Variants in CEP128 observed in about 807,000 individuals in gnomAD.
The protein encoded by CEP128 is centrosomal protein 128kDa.
A neutral mutation model predicts 156.7 loss-of-function variants in CEP128; 132 were observed. That is an observed-to-expected ratio of 0.84 (90% CI 0.73 to 0.97). CEP128 has a LOEUF of 0.97. Among genes scored for constraint, CEP128 ranks in the 50% least tolerant of loss-of-function variants. The pLI is 0.00. For missense variants in CEP128, 1,252 were observed against 1,281.9 expected, an observed-to-expected ratio of 0.98 and a Z score of 0.36; for synonymous variants, 469 against 448.9, an observed-to-expected ratio of 1.04 and a Z score of -0.57.
chr14:80,645,749 C>T (rs1156625024), intron 19 of CEP128, among the ~76,000 whole-genome samples: 1 of 152,116 alleles, frequency 6.6e-6, no homozygotes, highest in East Asian at 1.9e-4. Context: ...ACATTTATGT[C>T]TACACAAAAA....
intron 2 of CEP128, among the ~76,000 whole-genome samples, chr14:80,949,334 T>G (rs1018544892): frequency 2.0e-5 from 3 of 152,120 alleles, no homozygotes; most frequent in African/African-American, 7.2e-5. Flanking sequence ...TGCAGGTAGG[T>G]GGAGTTTGCA....
At chr14:80,688,680 C>A (rs1595221177) in intron 19 of CEP128, among the ~76,000 whole-genome samples, 1 of 152,192 alleles carries the variant, frequency 6.6e-6, no homozygotes, top group African/African-American at 2.4e-5. Flanking sequence ...TGTTTCAAAA[C>A]ATGGGTCAAA....
At chr14:80,629,121 A>G (rs1893856761) in intron 19 of CEP128, among the ~76,000 whole-genome samples, 1 of 148,294 alleles carries the variant, frequency 6.7e-6, no homozygotes, top group South Asian at 2.1e-4. Context: ...AATAGTTTCT[A>G]CAATTCACTA....
intron 19 of CEP128, among the ~76,000 whole-genome samples, chr14:80,734,019 C>T (rs979161713): frequency 3.3e-5 from 5 of 152,116 alleles, no homozygotes; most frequent in Admixed American, 6.6e-5. Context: ...CCCACTTCAA[C>T]GCTTCATAAA....
chr14:80,703,964 A>T (rs1897155621), intron 19 of CEP128, among the ~76,000 whole-genome samples: 1 of 152,146 alleles, frequency 6.6e-6, no homozygotes, highest in African/African-American at 2.4e-5. Flanking sequence ...AATAAAAGAG[A>T]AGCAAAGAAA....
At chr14:80,500,769 ACACC>A (rs1887695590) in intron 24 of CEP128, among the ~76,000 whole-genome samples, 1 of 152,088 alleles carries the variant, frequency 6.6e-6, no homozygotes, top group African/African-American at 2.4e-5. Context: ...GACATTATCC[ACACC>A]CACCCCCTTC....
intron 8 of CEP128, among the ~76,000 whole-genome samples, chr14:80,879,793 T>C (rs1301780135): frequency 6.6e-6 from 1 of 151,800 alleles, no homozygotes; most frequent in Non-Finnish European, 1.5e-5. Context: ...CCCCCAAGTC[T>C]TGGAAAAGAT....
intron 11 of CEP128, among the ~76,000 whole-genome samples, chr14:80,836,994 A>C (rs1886110147): frequency 6.6e-6 from 1 of 152,230 alleles, no homozygotes; most frequent in South Asian, 2.1e-4. Flanking sequence ...TAGAGTTCCA[A>C]ACAAATCAGA....
intron 8 of CEP128, among the ~76,000 whole-genome samples, chr14:80,877,625 G>A (rs1459309608): frequency 6.6e-6 from 1 of 152,106 alleles, no homozygotes; most frequent in African/African-American, 2.4e-5. Context: ...ATTCTATAGG[G>A]CACAAAAAGC....
intron 19 of CEP128, among the ~76,000 whole-genome samples, chr14:80,621,953 T>G (rs1318666507): frequency 6.6e-6 from 1 of 152,020 alleles, no homozygotes; most frequent in African/African-American, 2.4e-5. Context: ...TGGCTTTTGG[T>G]TTGTTTATGA....
chr14:80,579,668 T>C (rs1288056761), intron 20 of CEP128, among the ~76,000 whole-genome samples: 1 of 152,218 alleles, frequency 6.6e-6, no homozygotes, highest in Non-Finnish European at 1.5e-5. Context: ...ATGTCCAAAG[T>C]ATTTACTGTT....
intron 24 of CEP128, among the ~76,000 whole-genome samples, chr14:80,502,850 G>C (rs1269501440): frequency 6.6e-6 from 1 of 152,042 alleles, no homozygotes; most frequent in Non-Finnish European, 1.5e-5. Context: ...TTCTGTAACT[G>C]AGCTGAAATT....
intron 8 of CEP128, among the ~76,000 whole-genome samples, chr14:80,889,125 A>T (rs1272964478): frequency 1.3e-5 from 2 of 152,216 alleles, no homozygotes; most frequent in Non-Finnish European, 2.9e-5. Flanking sequence ...CAAGGAAATA[A>T]GAGAGGACAC....
chr14:80,666,879 AAGCACTAAT>A (rs1415312424), intron 19 of CEP128, among the ~76,000 whole-genome samples: 1 of 152,196 alleles, frequency 6.6e-6, no homozygotes, highest in African/African-American at 2.4e-5. Context: ...AGAAAAAAGT[AAGCACTAAT>A]AAACTTCCAA....
intron 8 of CEP128, among the ~76,000 whole-genome samples, chr14:80,886,160 T>C (rs912399490): frequency 6.6e-6 from 1 of 152,252 alleles, no homozygotes; most frequent in Non-Finnish European, 1.5e-5. Context: ...TTCATTGGTG[T>C]ACCTGAAAGT....
intron 23 of CEP128, among the ~76,000 whole-genome samples, chr14:80,520,421 A>AAAAC (rs776394627): frequency 0.024 from 2,059 of 85,632 alleles, 20 homozygotes; most frequent in Non-Finnish European, 0.042. Flanking sequence ...TCCATCTAAA[A>AAAAC]AAACAAACAA....
At chr14:80,936,636 C>T (rs973581811) in intron 2 of CEP128, among the ~76,000 whole-genome samples, 3 of 152,048 alleles carry the variant, frequency 2.0e-5, no homozygotes, top group Admixed American at 6.5e-5. Flanking sequence ...AAAAGAAAAA[C>T]TCACAAAAAT....
intron 19 of CEP128, among the ~76,000 whole-genome samples, chr14:80,705,289 T>G (rs2139382080): frequency 6.6e-6 from 1 of 152,134 alleles, no homozygotes; most frequent in African/African-American, 2.4e-5. Flanking sequence ...CACTTGTGTG[T>G]GTGTGTGTGT....
chr14:80,693,798 A>C (rs2139322067), intron 19 of CEP128, among the ~76,000 whole-genome samples: 1 of 152,338 alleles, frequency 6.6e-6, no homozygotes, highest in Admixed American at 6.5e-5. Flanking sequence ...ATCACCATGA[A>C]TAATCAAACT....
Sources: allele counts gnomAD v4.1 joint callset (sites outside exome capture counted in the v4.1 genomes callset), GRCh38; gene constraint gnomAD v4.1.1; transcripts MANE v1.5; gene names NCBI Gene and HGNC (gene_info 2026-07-23, HGNC 2026-07-21).